TDRD9: variants seen among roughly 807,000 people sequenced by gnomAD.
TDRD9 encodes tudor domain containing 9, also known as ATP-dependent RNA helicase TDRD9.
A neutral mutation model predicts 172.6 loss-of-function variants in TDRD9; 124 were observed. The ratio of observed to expected loss-of-function variants is 0.72; its 90% CI spans 0.62 to 0.83. TDRD9 has a LOEUF of 0.83. Among genes scored for constraint, TDRD9 ranks in the 40% least tolerant of loss-of-function variants. The probability of loss-of-function intolerance (pLI) is 0.00; values close to 1 mark genes in which losing one functional copy is unlikely to be tolerated. For synonymous variants in TDRD9, 619 were observed against 617.1 expected, an observed-to-expected ratio of 1.00 and a Z score of -0.05; for missense variants, 1,479 against 1,714.1, an observed-to-expected ratio of 0.86 and a Z score of 2.42.
At chr14:103,996,703 C>T (rs573225561) in intron 12 of TDRD9, among the ~76,000 whole-genome samples, 1 of 152,046 alleles carries the variant, frequency 6.6e-6, no homozygotes, top group East Asian at 1.9e-4. Flanking sequence ...TAGCAGTAAG[C>T]AAAATAGACA....
At chr14:103,962,996 G>GT in intron 2 of TDRD9, 83 bp from the exon 3 acceptor site, 4 of 637,460 alleles carry the variant, frequency 6.3e-6, no homozygotes, top group Admixed American at 2.9e-5. Context: ...GTGTGTGTAT[G>GT]CTGTATCTAT....
rs566730672 is a variant in TDRD9, at chr14:104,043,638, C to T, written c.3974+1451C>T. Among the ~76,000 whole-genome samples the T allele has an allele frequency of 1.3e-4, 20 of 152,188 alleles. No individual in the cohort carries two copies. In the South Asian group the frequency reaches 1.7e-3, roughly 13 times the overall value. On this transcript the variant is annotated intron_variant, in intron 34 of 35. Coordinates refer to ENST00000409874, the MANE Select transcript of TDRD9 (RefSeq NM_153046.3). ...GAGCCCCGGTGCTCCTTAGGGTGTGCGGGTGTGGTTGTAGCCACCATCACT... is the reference window on the plus strand; with the variant it reads ...GAGCCCCGGTGCTCCTTAGGGTGTGTGGGTGTGGTTGTAGCCACCATCACT...
chr14:103,970,031 C>T (rs2032950249), intron 5 of TDRD9, among the ~76,000 whole-genome samples: 1 of 152,202 alleles, frequency 6.6e-6, no homozygotes, highest in African/African-American at 2.4e-5. Flanking sequence ...CCCTTGTGAG[C>T]TGCAGTTATG....
chr14:104,051,301 T>C (rs1204629999), intron 35 of TDRD9, among the ~76,000 whole-genome samples: 3 of 152,202 alleles, frequency 2.0e-5, no homozygotes, highest in Non-Finnish European at 1.5e-5. Context: ...TTAATGGCTG[T>C]GTAGTATTCC....
intron 20 of TDRD9, among the ~76,000 whole-genome samples, chr14:104,010,643 G>A (rs1427152776): frequency 6.8e-6 from 1 of 148,074 alleles, no homozygotes; most frequent in African/African-American, 2.5e-5. Flanking sequence ...TATATACTCT[G>A]AAATAATGAT....
chr14:104,048,006 G>C (rs2035831476), intron 34 of TDRD9, among the ~76,000 whole-genome samples: 1 of 152,114 alleles, frequency 6.6e-6, no homozygotes, highest in Non-Finnish European at 1.5e-5. Flanking sequence ...GCCTCTACTG[G>C]CTGCTCTTCT....
chr14:103,964,561 T>G (rs1051311305), intron 3 of TDRD9, among the ~76,000 whole-genome samples: 1 of 152,202 alleles, frequency 6.6e-6, no homozygotes, highest in Non-Finnish European at 1.5e-5. Context: ...GGAGGCTTGC[T>G]CTGTCGCCAG....
intron 1 of TDRD9, among the ~76,000 whole-genome samples, chr14:103,942,865 C>T (rs1303155752): frequency 6.6e-6 from 1 of 151,966 alleles, no homozygotes; most frequent in Non-Finnish European, 1.5e-5. Context: ...TATATTTAAG[C>T]AAGTTGAAAT....
At chr14:103,956,221 C>T (rs1300411366) in intron 2 of TDRD9, among the ~76,000 whole-genome samples, 1 of 140,668 alleles carries the variant, frequency 7.1e-6, no homozygotes, top group Non-Finnish European at 1.5e-5. Context: ...AGGTGGATCA[C>T]GAGGTCAGGA....
rs549865389 is a variant in TDRD9 at position 103,928,574 on chromosome 14, A to G, written c.65A>G (p.Asn22Ser). The G allele has an allele frequency of 4.4e-6, 6 of 1,375,890 alleles. No individual in the cohort carries two copies. Among genetic ancestry groups the G allele is most frequent in the East Asian group, 6.5e-5 (2 of 30,564 alleles). 85.2% of individuals were successfully genotyped at this position (1,375,890 alleles called of 1,614,324 possible). ...TTCACCATCGGCAAGACGGTGACCA[A>G]TGTGGAGCTGCTGGGCGCGCCGCCC... ...DWFTIGKTVT[N>S]VELLGAPPAF... Residue 22 changes from asparagine (N) to serine (S), a missense_variant, in exon 1 of 36, where the codon AAT (asparagine) becomes AGT (serine). Coordinates refer to ENST00000409874, the MANE Select transcript of TDRD9 (RefSeq NM_153046.3).
At position 104,007,102 on chromosome 14, in the gene TDRD9, TA is replaced by T. The variant is rs949085577; in HGVS notation, c.2008-50del. The stretch of plus-strand genomic sequence containing the variant: ...TTTTCAGGTTTGTTGAAATTGTACT[TA>T]AAAAAAATTCAGTGAGCCAACACAT... On this transcript the variant is annotated intron_variant, in intron 18 of 35. Transcript: ENST00000409874. 2.7e-5 allele frequency: 41 copies of T among 1,505,184 alleles called. No homozygotes were observed. The East Asian group carries it at 3.2e-4, about 12-fold the overall frequency. 93.2% of individuals were successfully genotyped at this position (1,505,184 alleles called of 1,614,324 possible).
chr14:103,985,331 C>T (rs747008870), intron 7 of TDRD9, among the ~76,000 whole-genome samples: 44 of 152,272 alleles, frequency 2.9e-4, no homozygotes, highest in Non-Finnish European at 5.0e-4. Flanking sequence ...GGGGTAGGTC[C>T]TTCCTGTGCT....
intron 22 of TDRD9, 21 bp downstream of exon 22, chr14:104,016,109 G>C: frequency 3.3e-6 from 5 of 1,528,820 alleles, no homozygotes; most frequent in Non-Finnish European, 4.5e-6. Flanking sequence ...GGGGCAGGCC[G>C]TCCTCTCTGG....
rs375662500 is a variant in TDRD9 at position 103,997,394 on chromosome 14, C to T, written c.1379-1230C>T. ...ATTGTGAGAGACACATTTGGTCGGC[C>T]TCTAGACATGTGGCCTGAGAGACTG... On this transcript the variant is annotated intron_variant, in intron 12 of 35. Transcript: ENST00000409874. The surrounding 1 kb of genome is among the most constrained non-coding windows in gnomAD (Gnocchi z 5.1). Among the ~76,000 whole-genome samples the T allele has an allele frequency of 2.0e-5, 3 of 152,312 alleles. No individual in the cohort carries two copies. Among genetic ancestry groups the T allele is most frequent in the East Asian group, 3.9e-4 (2 of 5,176 alleles).
intron 34 of TDRD9, among the ~76,000 whole-genome samples, chr14:104,044,103 G>A (rs1270280984): frequency 2.0e-5 from 3 of 152,186 alleles, no homozygotes; most frequent in African/African-American, 7.2e-5. Context: ...GGGCCTGCAG[G>A]CCTGCCTTGT....
chr14:103,940,636 A>C, intron 1 of TDRD9: 2 of 518,724 alleles, frequency 3.9e-6, no homozygotes, highest in South Asian at 6.9e-5. Context: ...ATTCAATGAA[A>C]ACATAGCATG....
chr14:103,948,237 G>A (rs992238578), intron 1 of TDRD9, among the ~76,000 whole-genome samples: 1 of 151,666 alleles, frequency 6.6e-6, no homozygotes, highest in Non-Finnish European at 1.5e-5. Flanking sequence ...GGCTGGTCTT[G>A]AACTCCTGGT....
intron 35 of TDRD9, 196 bp downstream of exon 35, chr14:104,049,876 T>C: frequency 1.9e-6 from 1 of 530,304 alleles, no homozygotes; most frequent in Non-Finnish European, 3.4e-6. Context: ...GTCTTCTATG[T>C]GATGTCCCGG....
chr14:104,018,030 G>T, intron 22 of TDRD9, 62 bp from the exon 23 acceptor site: 2 of 974,504 alleles, frequency 2.1e-6, no homozygotes, highest in South Asian at 2.9e-5. Flanking sequence ...TTGAGCTTGT[G>T]AATGTTGAAA....
Sources: gnomAD v4.1 joint callset for allele counts (sites outside exome capture counted in the v4.1 genomes callset) on GRCh38, gnomAD v4.1.1 for gene constraint, Gnocchi (gnomAD v3.1) non-coding constraint, MANE v1.5 for transcripts, NCBI Gene and HGNC (gene_info 2026-07-23, HGNC 2026-07-21) for gene names.